DGKB: variants seen among roughly 807,000 people sequenced by gnomAD.
The protein encoded by DGKB is 90 kDa diacylglycerol kinase.
DGKB carries 67 observed loss-of-function variants against 114.3 expected under a neutral mutation model. The observed-to-expected ratio is 0.59, with a 90% CI of 0.48 to 0.72. The LOEUF (loss-of-function observed/expected upper bound fraction) is 0.72, where lower values mean the gene tolerates loss of function less well. Ranked by LOEUF, DGKB falls within the 30% of genes least tolerant of loss-of-function variation. DGKB has a pLI of 0.00. For missense variants in DGKB, 907 were observed against 975.2 expected, an observed-to-expected ratio of 0.93 and a Z score of 0.93; for synonymous variants, 398 against 323.1, an observed-to-expected ratio of 1.23 and a Z score of -2.49.
At chr7:14,922,388 G>GTA (rs113507002) in intron 1 of DGKB, among the ~76,000 whole-genome samples, 1,755 of 151,010 alleles carry the variant, frequency 0.012, 31 homozygotes, top group East Asian at 0.062. Context: ...GTGTGTGTGT[G>GTA]TGTGTGTGTG....
intron 7 of DGKB, among the ~76,000 whole-genome samples, chr7:14,700,928 G>A (rs1390853908): frequency 6.6e-6 from 1 of 152,042 alleles, no homozygotes; most frequent in Non-Finnish European, 1.5e-5. Context: ...TGCAAAATAT[G>A]TTACCAAACA....
chr7:14,495,851 G>A (rs1785229228), intron 20 of DGKB, among the ~76,000 whole-genome samples: 1 of 151,756 alleles, frequency 6.6e-6, no homozygotes, highest in African/African-American at 2.4e-5. Context: ...AATGTGAGTT[G>A]CGTATTATTG....
intron 14 of DGKB, among the ~76,000 whole-genome samples, chr7:14,625,280 C>A (rs367556388): frequency 6.6e-6 from 1 of 152,014 alleles, no homozygotes; most frequent in Admixed American, 6.6e-5. Context: ...TGCAATTAAT[C>A]CAGTCTAAAA....
At chr7:14,451,441 T>C (rs917154485) in intron 21 of DGKB, among the ~76,000 whole-genome samples, 1 of 152,028 alleles carries the variant, frequency 6.6e-6, no homozygotes, top group African/African-American at 2.4e-5. Context: ...ACTGGAACTA[T>C]AGCATCAGCT....
chr7:14,554,648 ACAT>A (rs1240492775), intron 20 of DGKB, among the ~76,000 whole-genome samples: 1 of 152,158 alleles, frequency 6.6e-6, no homozygotes, highest in Non-Finnish European at 1.5e-5. Flanking sequence ...TTTTCTATTT[ACAT>A]CATCATGTCA....
rs769445910 is a variant in DGKB at position 14,520,114 on chromosome 7, G to A, written c.1771-41889C>T. On this transcript the variant is annotated intron_variant, in intron 20 of 25. Transcript: ENST00000402815. ...TCAATATAATGTCTAAAGACACCCC[G>A]CCTAACCCAAAGACACAAAAGATTT... 8.0e-5 allele frequency among the ~76,000 whole-genome samples: 12 copies of A among 150,868 alleles called. No individual in the cohort carries two copies. In the South Asian group the frequency reaches 1.3e-3, roughly 16 times the overall value.
At chr7:14,729,120 T>C (rs908047742) in intron 5 of DGKB, among the ~76,000 whole-genome samples, 1 of 134,410 alleles carries the variant, frequency 7.4e-6, no homozygotes, top group Non-Finnish European at 1.5e-5. Flanking sequence ...TTTCATTTTC[T>C]TTCTTTTTTT....
At chr7:14,919,428 T>C (rs1464287736) in intron 1 of DGKB, among the ~76,000 whole-genome samples, 1 of 152,176 alleles carries the variant, frequency 6.6e-6, no homozygotes, top group African/African-American at 2.4e-5. Context: ...TATGCAAATG[T>C]ATACATACAT....
chr7:14,842,247 A>C (rs1024288418), intron 1 of DGKB, among the ~76,000 whole-genome samples: 1 of 152,334 alleles, frequency 6.6e-6, no homozygotes, highest in Non-Finnish European at 1.5e-5. Flanking sequence ...GTCATTACTT[A>C]AAGTCACCTT....
rs1050245482 is a variant in DGKB at position 14,225,646 on chromosome 7, C to T, written c.2123-47495G>A. Among the ~76,000 whole-genome samples the T allele has an allele frequency of 3.3e-5, 5 of 151,588 alleles. No homozygotes were observed. In the East Asian group the frequency reaches 5.8e-4, roughly 18 times the overall value. The stretch of plus-strand genomic sequence containing the variant: ...ATATATAGATATTAACAAGAGTGAT[C>T]GGAATATTGTGATGGGTTATTTTGA... On this transcript the variant is annotated intron_variant, in intron 23 of 25. Coordinates refer to ENST00000402815, the MANE Select transcript of DGKB (RefSeq NM_001350709.2).
At chr7:14,284,102 T>C (rs1284259629) in intron 23 of DGKB, among the ~76,000 whole-genome samples, 12 of 152,058 alleles carry the variant, frequency 7.9e-5, no homozygotes, top group East Asian at 1.9e-4. Flanking sequence ...AGAAAATTTT[T>C]GCAACCTGCT....
At chr7:14,803,559 G>C (rs562954012) in intron 2 of DGKB, among the ~76,000 whole-genome samples, 1 of 152,200 alleles carries the variant, frequency 6.6e-6, no homozygotes, top group South Asian at 2.1e-4. Flanking sequence ...AGAATCAAAT[G>C]GCTTTCTGTT....
At chr7:14,372,399 G>T (rs1203828885) in intron 21 of DGKB, among the ~76,000 whole-genome samples, 1 of 152,132 alleles carries the variant, frequency 6.6e-6, no homozygotes, top group Non-Finnish European at 1.5e-5. Flanking sequence ...GCCATCTTGG[G>T]AGTGCGTAGT....
chr7:14,892,886 GTA>G (rs1554334476), intron 1 of DGKB, among the ~76,000 whole-genome samples: 3 of 149,026 alleles, frequency 2.0e-5, no homozygotes, highest in African/African-American at 7.4e-5. Flanking sequence ...GTGTGTGTGT[GTA>G]TACACATATG....
chr7:14,445,354 A>G (rs1830588858), intron 21 of DGKB, among the ~76,000 whole-genome samples: 1 of 151,936 alleles, frequency 6.6e-6, no homozygotes, highest in African/African-American at 2.4e-5. Context: ...GTGGAAGAGG[A>G]AACTTGTAAT....
intron 22 of DGKB, among the ~76,000 whole-genome samples, chr7:14,341,102 T>C (rs991792505): frequency 4.6e-5 from 7 of 151,776 alleles, no homozygotes; most frequent in African/African-American, 1.7e-4. Flanking sequence ...TGTGTAGTTT[T>C]AGGGAAACAG....
At chr7:14,262,770 C>T (rs1796956055) in intron 23 of DGKB, among the ~76,000 whole-genome samples, 1 of 152,114 alleles carries the variant, frequency 6.6e-6, no homozygotes, top group Admixed American at 6.6e-5. Context: ...AGGGCCAAAC[C>T]AGCTCCAACT....
chr7:14,164,076 ATTTC>A, intron 25 of DGKB, among the ~76,000 whole-genome samples: 1 of 152,302 alleles, frequency 6.6e-6, no homozygotes, highest in East Asian at 1.9e-4. Flanking sequence ...TGTAGTATTT[ATTTC>A]TTTAACAGAT....
chr7:14,566,280 G>A (rs1334584761), intron 20 of DGKB, among the ~76,000 whole-genome samples: 1 of 152,082 alleles, frequency 6.6e-6, no homozygotes, highest in Non-Finnish European at 1.5e-5. Flanking sequence ...CTTCACAAGT[G>A]TCTTCTGAGT....
Sources: gnomAD v4.1 joint callset for allele counts (sites outside exome capture counted in the v4.1 genomes callset) on GRCh38, gnomAD v4.1.1 for gene constraint, MANE v1.5 for transcripts, NCBI Gene and HGNC (gene_info 2026-07-23, HGNC 2026-07-21) for gene names.